CLNK: variants seen among roughly 807,000 people sequenced by gnomAD.
The protein encoded by CLNK is cytokine dependent hematopoietic cell linker, also known as cytokine-dependent hematopoietic cell linker.
Under a neutral mutation model 68.6 loss-of-function variants are expected in CLNK, and 74 were observed. That is an observed-to-expected ratio of 1.08 (90% CI 0.89 to 1.31). CLNK has a LOEUF of 1.31. Among genes scored for constraint, CLNK ranks in the 50% most tolerant of loss-of-function variants. The pLI, the probability that CLNK is intolerant of heterozygous loss-of-function variation, is 0.00. For synonymous variants in CLNK, 198 were observed against 172.2 expected (o/e 1.15, Z -1.17); for missense variants, 553 against 515.3 (o/e 1.07, Z -0.71).
rs1384574867 is a variant in CLNK, at chr4:10,591,294, ATC to A, written c.84-6341_84-6340del. Among the ~76,000 whole-genome samples, 24 of 152,312 alleles carry A rather than the reference ATC, an allele frequency of 1.6e-4. No individual in the cohort carries two copies. In the East Asian group the frequency reaches 4.2e-3, roughly 27 times the overall value. On this transcript the variant is annotated intron_variant, in intron 3 of 18. Coordinates refer to ENST00000226951, the MANE Select transcript of CLNK (RefSeq NM_052964.4). ...GTATGATGGCCTGGACAGACCGTTT[ATC>A]TTGTTTCCCATGTGGCCACCAATGC...
chr4:10,673,970 T>C (rs1724767056), intron 1 of CLNK, among the ~76,000 whole-genome samples: 1 of 152,186 alleles, frequency 6.6e-6, no homozygotes, highest in Admixed American at 6.5e-5. Flanking sequence ...TTATTTCAGT[T>C]TCTCTTCCTG....
rs16869983 is a variant in CLNK, at chr4:10,571,682, T to A, written c.150+59A>T. On this transcript the variant is annotated intron_variant, in intron 5 of 18. Transcript: ENST00000226951. ...ATTTTACCCAGTATCTTGAATCAAA[T>A]TCACCTGCTTTGCAATATTAAAGAC... 5,451 of 1,363,652 alleles carry A rather than the reference T, an allele frequency of 4.0e-3. 190 individuals carry two copies. The East Asian group carries it at 0.093, about 23-fold the overall frequency. 84.5% of individuals were successfully genotyped at this position (1,363,652 alleles called of 1,614,324 possible).
At chr4:10,635,529 ATGTGGAAAGCGACTG>A (rs1290673033) in intron 2 of CLNK, among the ~76,000 whole-genome samples, 1 of 152,188 alleles carries the variant, frequency 6.6e-6, no homozygotes, top group East Asian at 1.9e-4. Flanking sequence ...TCTGTGCTGG[ATGTGGAAAGCGACTG>A]TCTGAAAATA....
chr4:10,521,433 G>A (rs1718057843), intron 14 of CLNK, among the ~76,000 whole-genome samples: 1 of 152,146 alleles, frequency 6.6e-6, no homozygotes, highest in Non-Finnish European at 1.5e-5. Context: ...TTAATACTTA[G>A]CTCTAATTTT....
intron 3 of CLNK, among the ~76,000 whole-genome samples, chr4:10,590,382 G>C (rs1560231292): frequency 6.6e-6 from 1 of 152,282 alleles, no homozygotes; most frequent in Admixed American, 6.5e-5. Context: ...ACAGAGTTTG[G>C]ATGGTGTGTT....
chr4:10,613,903 G>T (rs910123159), intron 2 of CLNK, among the ~76,000 whole-genome samples: 20 of 152,210 alleles, frequency 1.3e-4, no homozygotes, highest in African/African-American at 4.6e-4. Flanking sequence ...CTGCAGGATA[G>T]GTTCTGTCTC....
the CLNK span, among the ~76,000 whole-genome samples, chr4:10,691,895 G>A: frequency 1.3e-5 from 2 of 152,162 alleles, no homozygotes; most frequent in African/African-American, 4.8e-5. Context: ...TAATCTATGG[G>A]TGGGACAAGG....
At chr4:10,507,677 T>C (rs536351514) in intron 17 of CLNK, among the ~76,000 whole-genome samples, 1 of 152,212 alleles carries the variant, frequency 6.6e-6, no homozygotes, top group East Asian at 1.9e-4. Context: ...AAACGGGGTT[T>C]CACCATGTTG....
rs745755893 is a variant in CLNK, at chr4:10,525,912, G to A, written c.660C>T (p.Asn220=). Residue 220 remains asparagine (N), a synonymous_variant, in exon 14 of 19, where the codon AAC becomes AAT. Coordinates refer to ENST00000226951, the MANE Select transcript of CLNK (RefSeq NM_052964.4). ...EVLEAEKVPH[N]QRKPESTHLL... Reference sequence around the variant, plus strand: ...GATGAGTTGATTCAGGCTTCCTCTGGTTATGAGGAACTATATAAAACAGTG... The same window carrying A: ...GATGAGTTGATTCAGGCTTCCTCTGATTATGAGGAACTATATAAAACAGTG... 1.0e-5 allele frequency: 16 copies of A among 1,562,072 alleles called. No individual in the cohort carries two copies. The highest frequency in any genetic ancestry group is 1.9e-5 in the Admixed American group (1 of 53,530).
rs568692199 is a variant in CLNK, at chr4:10,505,344, T to A, written c.984+2615A>T. On this transcript the variant is annotated intron_variant, in intron 17 of 18. Transcript: ENST00000226951. The stretch of plus-strand genomic sequence containing the variant: ...GCACTGATCTTGAATACATGTTCTG[T>A]CAGTTTCTCTGCTTTATGACCAACA... Among the ~76,000 whole-genome samples the A allele has an allele frequency of 1.8e-4, 27 of 152,352 alleles. No individual in the cohort carries two copies. The South Asian group carries it at 5.4e-3, about 30-fold the overall frequency.
At chr4:10,651,981 A>C (rs1231641429) in intron 2 of CLNK, among the ~76,000 whole-genome samples, 5 of 52,902 alleles carry the variant, frequency 9.5e-5, no homozygotes, top group Admixed American at 8.2e-4. Flanking sequence ...ACAGGAGATC[A>C]AAAAAAAAGA....
At chr4:10,645,863 T>C (rs1723490042) in intron 2 of CLNK, among the ~76,000 whole-genome samples, 1 of 152,276 alleles carries the variant, frequency 6.6e-6, no homozygotes, top group East Asian at 1.9e-4. Context: ...AAAGAAAAGA[T>C]AAATGTTTGA....
intron 2 of CLNK, among the ~76,000 whole-genome samples, chr4:10,645,550 T>C (rs1178073320): frequency 6.6e-6 from 1 of 152,132 alleles, no homozygotes; most frequent in Non-Finnish European, 1.5e-5. Context: ...ATCATTTACT[T>C]TAAATATAAT....
chr4:10,537,694 C>T (rs1304786775), intron 11 of CLNK, among the ~76,000 whole-genome samples: 217 of 8,136 alleles, frequency 0.027, 2 homozygotes, highest in Admixed American at 0.086. Flanking sequence ...TTCCTTCCTT[C>T]CTTCCTTCCT....
intron 2 of CLNK, among the ~76,000 whole-genome samples, chr4:10,636,214 A>G (rs952642596): frequency 4.6e-5 from 7 of 152,220 alleles, no homozygotes; most frequent in Non-Finnish European, 8.8e-5. Context: ...TAATTAAGAT[A>G]TAAGTTCCAT....
At chr4:10,687,669 A>T (rs1725315587), upstream of CLNK, among the ~76,000 whole-genome samples, 1 of 152,180 alleles carries the variant, frequency 6.6e-6, no homozygotes, top group Non-Finnish European at 1.5e-5. Context: ...GGTGGCTAGC[A>T]TGGAGAGGGA....
At chr4:10,733,240 G>A in the CLNK span, among the ~76,000 whole-genome samples, 1 of 151,976 alleles carries the variant, frequency 6.6e-6, no homozygotes, top group South Asian at 2.1e-4. Context: ...CCCCACGTCT[G>A]CCCATAAACC....
At chr4:10,561,946 T>C (rs1166303614) in intron 7 of CLNK, among the ~76,000 whole-genome samples, 4 of 152,158 alleles carry the variant, frequency 2.6e-5, no homozygotes, top group Non-Finnish European at 5.9e-5. Flanking sequence ...ATGGAGAACC[T>C]CTTACAAAGG....
At chr4:10,507,798 A>G (rs1048506665) in intron 17 of CLNK, among the ~76,000 whole-genome samples, 161 bp downstream of exon 17, 3 of 152,146 alleles carry the variant, frequency 2.0e-5, no homozygotes, top group Admixed American at 1.3e-4. Context: ...TCTCCATGTT[A>G]AATGCCCTTT....
Sources: allele counts gnomAD v4.1 joint callset (sites outside exome capture counted in the v4.1 genomes callset), GRCh38; gene constraint gnomAD v4.1.1; transcripts MANE v1.5; gene names NCBI Gene and HGNC (gene_info 2026-07-23, HGNC 2026-07-21).